NLGN1: variants seen among roughly 807,000 people sequenced by gnomAD.
The protein encoded by NLGN1 is neuroligin-1.
Under a neutral mutation model 65.5 loss-of-function variants are expected in NLGN1, and 12 were observed. That is an observed-to-expected ratio of 0.18 (90% CI 0.12 to 0.30). The LOEUF (loss-of-function observed/expected upper bound fraction) is 0.30, where lower values mean the gene tolerates loss of function less well. NLGN1 is among the 10% of genes least tolerant of loss of function. NLGN1 has a pLI of 1.00. For synonymous variants in NLGN1, 350 were observed against 359.5 expected (o/e 0.97, Z 0.30); for missense variants, 750 against 1,007.1 (o/e 0.74, Z 3.46).
chr3:173,811,894 T>G (rs1443376607), intron 4 of NLGN1, among the ~76,000 whole-genome samples: 1 of 152,166 alleles, frequency 6.6e-6, no homozygotes, highest in Non-Finnish European at 1.5e-5. Context: ...AGAATAAATC[T>G]TTAAATTACT....
intron 3 of NLGN1, among the ~76,000 whole-genome samples, chr3:173,779,398 T>G (rs563333098): frequency 2.0e-4 from 31 of 152,164 alleles, no homozygotes; most frequent in African/African-American, 7.5e-4. Flanking sequence ...GAGTGGAAAA[T>G]ATTTGGCTGA....
At chr3:174,106,139 A>G (rs1436591484) in intron 4 of NLGN1, among the ~76,000 whole-genome samples, 3 of 152,168 alleles carry the variant, frequency 2.0e-5, no homozygotes, top group East Asian at 1.9e-4. Flanking sequence ...CAAAGCCTCA[A>G]TTAGAATCAC....
intron 1 of NLGN1, among the ~76,000 whole-genome samples, chr3:173,402,405 A>G (rs1486379193): frequency 6.6e-6 from 1 of 152,154 alleles, no homozygotes; most frequent in Non-Finnish European, 1.5e-5. Context: ...ATTTTTGCTC[A>G]ACTTTGTATA....
intron 3 of NLGN1, among the ~76,000 whole-genome samples, chr3:173,775,702 A>C (rs1397829288): frequency 6.6e-6 from 1 of 152,174 alleles, no homozygotes; most frequent in Non-Finnish European, 1.5e-5. Context: ...CTTTTAGGTT[A>C]ATTAAATGGA....
At chr3:173,757,277 G>T (rs1445917717) in intron 3 of NLGN1, among the ~76,000 whole-genome samples, 1 of 151,896 alleles carries the variant, frequency 6.6e-6, no homozygotes, top group Non-Finnish European at 1.5e-5. Flanking sequence ...CTTAAAGCAG[G>T]AAACTCAGCA....
At chr3:174,050,180 A>G (rs1016339955) in intron 4 of NLGN1, among the ~76,000 whole-genome samples, 3 of 152,114 alleles carry the variant, frequency 2.0e-5, no homozygotes, top group Non-Finnish European at 2.9e-5. Context: ...ATTTTATTTC[A>G]AAGACAAGTC....
chr3:173,562,472 C>T (rs1430005418), intron 2 of NLGN1, among the ~76,000 whole-genome samples: 2 of 151,688 alleles, frequency 1.3e-5, no homozygotes, highest in African/African-American at 2.4e-5. Flanking sequence ...GAGGCTGAGG[C>T]AGGGGAATCG....
intron 1 of NLGN1, chr3:173,399,583 G>C (rs1007865382): frequency 6.6e-6 from 1 of 152,162 alleles, no homozygotes; most frequent in African/African-American, 2.4e-5. Flanking sequence ...TTCATTTGCA[G>C]GGTGTTGGAA....
At chr3:173,441,918 C>A (rs62291287) in intron 2 of NLGN1, among the ~76,000 whole-genome samples, 6 of 152,236 alleles carry the variant, frequency 3.9e-5, no homozygotes, top group Admixed American at 3.3e-4. Context: ...GTTAAACCAC[C>A]AAGTCATGAT....
chr3:174,006,672 T>A (rs1724472707), intron 4 of NLGN1, among the ~76,000 whole-genome samples: 1 of 152,186 alleles, frequency 6.6e-6, no homozygotes, highest in Non-Finnish European at 1.5e-5. Context: ...TAACCCCCAG[T>A]ACTTCAGAAT....
chr3:173,421,370 C>T (rs1021396728), intron 1 of NLGN1, among the ~76,000 whole-genome samples: 1 of 151,850 alleles, frequency 6.6e-6, no homozygotes, highest in Admixed American at 6.6e-5. Flanking sequence ...AGGATATTCT[C>T]CTTCCTAATT....
intron 4 of NLGN1, among the ~76,000 whole-genome samples, chr3:173,813,971 G>A (rs555496642): frequency 1.3e-5 from 2 of 152,300 alleles, no homozygotes; most frequent in African/African-American, 4.8e-5. Context: ...ATTATTTATA[G>A]TAACCTTCTG....
At chr3:173,907,804 C>T (rs1192874535) in intron 4 of NLGN1, among the ~76,000 whole-genome samples, 1 of 151,880 alleles carries the variant, frequency 6.6e-6, no homozygotes, top group Non-Finnish European at 1.5e-5. Flanking sequence ...AGGCTGGTCT[C>T]GAACTCCTGA....
intron 3 of NLGN1, among the ~76,000 whole-genome samples, chr3:173,665,189 G>A (rs991745570): frequency 1.1e-4 from 17 of 152,064 alleles, no homozygotes; most frequent in Non-Finnish European, 1.6e-4. Flanking sequence ...CTCATGGGAG[G>A]TAATTAGATT....
chr3:173,970,746 GT>G (rs948418299), intron 4 of NLGN1, among the ~76,000 whole-genome samples: 1 of 152,096 alleles, frequency 6.6e-6, no homozygotes, highest in African/African-American at 2.4e-5. Context: ...ATAAACCTAA[GT>G]GTCCTTATCT....
intron 3 of NLGN1, among the ~76,000 whole-genome samples, chr3:173,798,805 C>T (rs73880585): frequency 0.016 from 2,373 of 152,084 alleles, 71 homozygotes; most frequent in African/African-American, 0.055. Context: ...CCATTTCTGC[C>T]TTTCCAATCT....
intron 2 of NLGN1, among the ~76,000 whole-genome samples, chr3:173,542,248 T>C (rs939584253): frequency 2.6e-5 from 4 of 152,068 alleles, no homozygotes; most frequent in African/African-American, 9.6e-5. Flanking sequence ...TCCATTTTTG[T>C]TGAATCCTCT....
At chr3:173,950,671 G>T (rs1748023507) in intron 4 of NLGN1, among the ~76,000 whole-genome samples, 1 of 151,612 alleles carries the variant, frequency 6.6e-6, no homozygotes, top group South Asian at 2.1e-4. Context: ...AAATTAGCCG[G>T]GTGTGGTGGT....
chr3:173,978,097 AG>A (rs1483984727), intron 4 of NLGN1, among the ~76,000 whole-genome samples: 5 of 152,096 alleles, frequency 3.3e-5, no homozygotes, highest in Non-Finnish European at 7.4e-5. Context: ...AAAAGATAAT[AG>A]GTCATGACTA....
Sources: allele counts gnomAD v4.1 joint callset (sites outside exome capture counted in the v4.1 genomes callset), GRCh38; gene constraint gnomAD v4.1.1; transcripts MANE v1.5; gene names NCBI Gene and HGNC (gene_info 2026-07-23, HGNC 2026-07-21).